The following GABRA2 variants were observed in gnomAD, a reference collection of about 807,000 sequenced individuals.
The protein encoded by GABRA2 is gamma-aminobutyric acid receptor subunit alpha-2.
Under a neutral mutation model 48.7 loss-of-function variants are expected in GABRA2, and 16 were observed. The ratio of observed to expected loss-of-function variants is 0.33; its 90% CI spans 0.22 to 0.50. GABRA2 has a LOEUF of 0.50. Among genes scored for constraint, GABRA2 ranks in the 20% least tolerant of loss-of-function variants. GABRA2 has a pLI of 0.98. For synonymous variants in GABRA2, 185 were observed against 184.5 expected (o/e 1.00, Z -0.02); for missense variants, 275 against 535.6 (o/e 0.51, Z 4.80).
At position 46,244,201 on chromosome 4, in the gene GABRA2, A is replaced by G. The variant is rs1468003879; in HGVS notation, c.*6107T>C. On this transcript the variant is annotated 3_prime_UTR_variant, in exon 10 of 10. Transcript: ENST00000381620. Reference sequence around the variant, plus strand: ...CTAATTATACGTTACACCTTTTTACACATTATGATCAGTTTAAAGCACAAT... The same window carrying G: ...CTAATTATACGTTACACCTTTTTACGCATTATGATCAGTTTAAAGCACAAT... The G allele has an allele frequency of 6.6e-6, 1 of 151,586 alleles. No homozygotes were observed. Among genetic ancestry groups the G allele is most frequent in the Non-Finnish European group, 1.5e-5 (1 of 67,676 alleles). The allele number at this position is 151,586 out of a possible 1,614,324, so 9.4% of individuals were successfully genotyped here. A position where few individuals can be genotyped will look rare whatever the true frequency, so the allele number is the denominator to read the frequency against.
intron 4 of GABRA2, among the ~76,000 whole-genome samples, chr4:46,315,936 CAT>C (rs149528175): frequency 6.6e-5 from 10 of 150,668 alleles, no homozygotes; most frequent in South Asian, 6.3e-4. Flanking sequence ...ACATTTAGTA[CAT>C]ATATACACAC....
chr4:46,370,004 A>C (rs1026953642), intron 3 of GABRA2, among the ~76,000 whole-genome samples: 4 of 152,168 alleles, frequency 2.6e-5, no homozygotes, highest in African/African-American at 9.7e-5. Context: ...CTAAAAAATA[A>C]AAAATGAAAT....
chr4:46,380,485 C>A (rs986659019), intron 3 of GABRA2, among the ~76,000 whole-genome samples: 1 of 152,134 alleles, frequency 6.6e-6, no homozygotes, highest in South Asian at 2.1e-4. Flanking sequence ...GTAGAACCAA[C>A]AATAACGATA....
intron 9 of GABRA2, among the ~76,000 whole-genome samples, chr4:46,258,707 T>C (rs1020366041): frequency 6.6e-6 from 1 of 151,700 alleles, no homozygotes; most frequent in Non-Finnish European, 1.5e-5. Flanking sequence ...TGAAGTTTGA[T>C]TTAAGAAAGA....
At chr4:46,354,797 G>A (rs1044953300) in intron 3 of GABRA2, among the ~76,000 whole-genome samples, 1 of 152,134 alleles carries the variant, frequency 6.6e-6, no homozygotes, top group African/African-American at 2.4e-5. Flanking sequence ...CATGAAGCAA[G>A]GAAATCCTTT....
chr4:46,286,500 G>A (rs1235264134), intron 8 of GABRA2, among the ~76,000 whole-genome samples: 1 of 152,026 alleles, frequency 6.6e-6, no homozygotes, highest in Non-Finnish European at 1.5e-5. Context: ...GTAATTCTCT[G>A]TCTAACTTTG....
At chr4:46,378,420 C>T (rs1195981796) in intron 3 of GABRA2, among the ~76,000 whole-genome samples, 3 of 151,790 alleles carry the variant, frequency 2.0e-5, no homozygotes, top group Admixed American at 6.6e-5. Context: ...GGATTAAGGG[C>T]GGTGCAAGAT....
chr4:46,275,538 A>G (rs1349016971), intron 8 of GABRA2, among the ~76,000 whole-genome samples: 2 of 152,188 alleles, frequency 1.3e-5, no homozygotes, highest in Non-Finnish European at 2.9e-5. Context: ...TGATGTGACT[A>G]TAAGAACCAC....
In GABRA2 at chr4:46,271,712, C is replaced by T. The variant is rs149974716; in HGVS notation, c.857-9584G>A. Among the ~76,000 whole-genome samples, 54 of 152,004 alleles carry T rather than the reference C, an allele frequency of 3.6e-4. No individual in the cohort carries two copies. In the Middle Eastern group the frequency reaches 0.014, roughly 38 times the overall value. ...CAAAGGCTAATAATAATGTGGACAA[C>T]ACTGTTGAAGGAATCAAAATTGTTC... On this transcript the variant is annotated intron_variant, in intron 8 of 9. Transcript: ENST00000381620.
At chr4:46,325,890 C>T (rs538604366) in intron 4 of GABRA2, among the ~76,000 whole-genome samples, 6 of 151,886 alleles carry the variant, frequency 4.0e-5, no homozygotes, top group African/African-American at 7.2e-5. Flanking sequence ...GCTATAAGTG[C>T]GTGGCTTTAT....
chr4:46,338,255 C>T (rs557449909), intron 3 of GABRA2, among the ~76,000 whole-genome samples: 30 of 147,990 alleles, frequency 2.0e-4, no homozygotes, highest in African/African-American at 5.1e-4. Flanking sequence ...TAGGCAGTAA[C>T]GATGTTATTC....
intron 3 of GABRA2, chr4:46,369,063 TA>T: frequency 1.5e-6 from 1 of 687,620 alleles, no homozygotes; most frequent in Non-Finnish European, 2.7e-6. Context: ...TAATCAAATC[TA>T]ACTAAAAGTT....
intron 9 of GABRA2, among the ~76,000 whole-genome samples, chr4:46,254,732 T>C (rs754689566): frequency 6.6e-6 from 1 of 151,540 alleles, no homozygotes; most frequent in Non-Finnish European, 1.5e-5. Context: ...GAATGACTGA[T>C]AAAATATCTC....
chr4:46,363,689 A>C (rs2109968972), intron 3 of GABRA2: 1 of 152,318 alleles, frequency 6.6e-6, no homozygotes, highest in East Asian at 1.9e-4. Context: ...TTTAATAAAG[A>C]TATAAGAACA....
chr4:46,254,364 T>C (rs1715399448), intron 9 of GABRA2, among the ~76,000 whole-genome samples: 2 of 151,564 alleles, frequency 1.3e-5, no homozygotes, highest in Non-Finnish European at 3.0e-5. Flanking sequence ...GTGTTAATGA[T>C]TAAAAACAGT....
chr4:46,360,014 G>C (rs1014702605), intron 3 of GABRA2, among the ~76,000 whole-genome samples: 1 of 152,080 alleles, frequency 6.6e-6, no homozygotes, highest in African/African-American at 2.4e-5. Flanking sequence ...TAGTAAAAAG[G>C]GGATTACTCC....
chr4:46,330,591 T>TAG (rs1553916278), intron 4 of GABRA2, among the ~76,000 whole-genome samples: 373 of 122,670 alleles, frequency 3.0e-3, no homozygotes, highest in Non-Finnish European at 4.2e-3. Context: ...TATATATATA[T>TAG]AGAGAGAGAG....
Position 46,390,043 on chromosome 4 carries a change from A to T in GABRA2, c.-319T>A. On this transcript the variant is annotated 5_prime_UTR_variant, in exon 1 of 10. Coordinates refer to ENST00000381620, the MANE Select transcript of GABRA2 (RefSeq NM_000807.4). ...AGAGGAGGAGGGGGAAAACGATGAC[A>T]GGAGCTGGGGCCGGGGGGGGAAATT... 1 of 114,346 alleles carries T rather than the reference A, an allele frequency of 8.7e-6. No individual in the cohort carries two copies. Among genetic ancestry groups the T allele is most frequent in the Non-Finnish European group, 1.1e-5 (1 of 87,812 alleles). 7.1% of individuals were successfully genotyped at this position (114,346 alleles called of 1,614,324 possible).
chr4:46,347,206 T>G (rs982756312), intron 3 of GABRA2, among the ~76,000 whole-genome samples: 7 of 151,924 alleles, frequency 4.6e-5, no homozygotes, highest in African/African-American at 1.7e-4. Flanking sequence ...CCTATCAAAT[T>G]TCTAATGTTG....
Sources: gnomAD v4.1 joint callset for allele counts (sites outside exome capture counted in the v4.1 genomes callset) on GRCh38, gnomAD v4.1.1 for gene constraint, MANE v1.5 for transcripts, NCBI Gene and HGNC (gene_info 2026-07-23, HGNC 2026-07-21) for gene names.